Variants in ARHGEF28 observed in about 807,000 individuals in gnomAD.
ARHGEF28 encodes the protein 190 kDa guanine nucleotide exchange factor.
In ARHGEF28, 152 loss-of-function variants were observed where a neutral mutation model predicts 206.6. The ratio of observed to expected loss-of-function variants is 0.74; its 90% CI spans 0.64 to 0.84. The LOEUF is 0.84. ARHGEF28 is among the 40% of genes least tolerant of loss of function. The pLI is 0.00. For missense variants in ARHGEF28, 2,028 were observed against 2,073.2 expected (o/e 0.98, Z 0.42); for synonymous variants, 763 against 776.4 (o/e 0.98, Z 0.29).
rs560059715 is a variant in ARHGEF28, at chr5:73,907,929, T to G, written c.4162-1483T>G. On this transcript the variant is annotated intron_variant, in intron 33 of 35. Transcript: ENST00000513042. The stretch of plus-strand genomic sequence containing the variant: ...TATTGTCTGTGGTAGTTTTGACATA[T>G]AAAGTATGGGATTTTTGTTTGTCTT... 2.0e-4 allele frequency among the ~76,000 whole-genome samples: 30 copies of G among 152,332 alleles called. 1 individual carries two copies. Among genetic ancestry groups the G allele is most frequent in the African/African-American group, 6.7e-4 (28 of 41,572 alleles).
intron 9 of ARHGEF28, among the ~76,000 whole-genome samples, chr5:73,797,751 A>G (rs1263866303): frequency 6.6e-6 from 1 of 152,212 alleles, no homozygotes; most frequent in Non-Finnish European, 1.5e-5. Flanking sequence ...ATGGTGTGGG[A>G]TAAACACATG....
intron 2 of ARHGEF28, among the ~76,000 whole-genome samples, chr5:73,706,653 T>C (rs1748954717): frequency 6.6e-6 from 1 of 152,202 alleles, no homozygotes. Context: ...TGATACTTAG[T>C]TTTATATTTA....
chr5:73,930,619 T>G (rs1042665699), intron 35 of ARHGEF28, among the ~76,000 whole-genome samples: 1 of 152,190 alleles, frequency 6.6e-6, no homozygotes, highest in Non-Finnish European at 1.5e-5. Context: ...TGGAGAAAAC[T>G]CAACTGCAAG....
At chr5:73,814,470 C>T (rs1229294809) in intron 9 of ARHGEF28, among the ~76,000 whole-genome samples, 2 of 152,018 alleles carry the variant, frequency 1.3e-5, no homozygotes, top group African/African-American at 4.8e-5. Flanking sequence ...TTATCCCATC[C>T]TCGGCTGGGC....
At chr5:73,875,946 A>G (rs1760449622) in intron 22 of ARHGEF28, among the ~76,000 whole-genome samples, 1 of 151,852 alleles carries the variant, frequency 6.6e-6, no homozygotes, top group African/African-American at 2.4e-5. Context: ...GTTTTTTCCA[A>G]TTCTGTGAAG....
At chr5:73,813,563 T>G in intron 9 of ARHGEF28, 1 of 1,535,320 alleles carries the variant, frequency 6.5e-7, no homozygotes, top group Non-Finnish European at 8.7e-7. Flanking sequence ...TACTGTTTCA[T>G]CTGTTGATTT....
intron 22 of ARHGEF28, among the ~76,000 whole-genome samples, chr5:73,879,199 C>T (rs1252031816): frequency 1.3e-5 from 2 of 152,182 alleles, no homozygotes; most frequent in East Asian, 1.9e-4. Flanking sequence ...TGATACCCTT[C>T]CTTCCAGCTG....
intron 3 of ARHGEF28, among the ~76,000 whole-genome samples, chr5:73,751,279 C>T (rs1043586026): frequency 6.6e-5 from 10 of 152,182 alleles, no homozygotes; most frequent in East Asian, 1.9e-4. Flanking sequence ...GCATGGTGGC[C>T]GGTGCCTTTA....
chr5:73,657,544 A>C (rs1432873068), intron 1 of ARHGEF28, among the ~76,000 whole-genome samples: 4 of 152,160 alleles, frequency 2.6e-5, no homozygotes, highest in African/African-American at 4.8e-5. Context: ...TGTCTTTTTC[A>C]TGATGGATAG....
chr5:73,732,488 A>T (rs1008352573), intron 2 of ARHGEF28, among the ~76,000 whole-genome samples: 1 of 152,210 alleles, frequency 6.6e-6, no homozygotes, highest in Non-Finnish European at 1.5e-5. Flanking sequence ...ACTGAAAGAC[A>T]TCTTGGTTGT....
chr5:73,763,743 A>G (rs1752738482), intron 4 of ARHGEF28, among the ~76,000 whole-genome samples: 1 of 152,182 alleles, frequency 6.6e-6, no homozygotes, highest in Non-Finnish European at 1.5e-5. Flanking sequence ...ACATTAACAA[A>G]TGAAAGAAAA....
intron 2 of ARHGEF28, among the ~76,000 whole-genome samples, chr5:73,693,585 A>G (rs1447960143): frequency 1.3e-5 from 2 of 152,242 alleles, no homozygotes; most frequent in Non-Finnish European, 1.5e-5. Context: ...AGCTTAGCCA[A>G]TGGAATCGGG....
At chr5:73,689,277 TTCTTC>T (rs1747668578) in intron 2 of ARHGEF28, among the ~76,000 whole-genome samples, 1 of 152,208 alleles carries the variant, frequency 6.6e-6, no homozygotes, top group Non-Finnish European at 1.5e-5. Flanking sequence ...AGACTCTATT[TTCTTC>T]TTGGAGATAT....
chr5:73,735,212 C>T (rs1009456165), intron 2 of ARHGEF28, among the ~76,000 whole-genome samples: 45 of 150,732 alleles, frequency 3.0e-4, no homozygotes, highest in Non-Finnish European at 2.1e-4. Flanking sequence ...TAAATTAATA[C>T]ATTTATTAAT....
chr5:73,640,279 C>A (rs576992243), intron 1 of ARHGEF28, among the ~76,000 whole-genome samples: 1 of 152,312 alleles, frequency 6.6e-6, no homozygotes, highest in East Asian at 1.9e-4. Context: ...TCATCTGTCA[C>A]CTTCTGTGAT....
Position 73,846,286 on chromosome 5 carries a change from G to C in ARHGEF28, c.1446G>C (p.Leu482Phe), listed in dbSNP as rs755323289. The C allele has an allele frequency of 6.2e-7, 1 of 1,613,190 alleles. No individual in the cohort carries two copies. The highest frequency in any genetic ancestry group is 1.7e-5 in the Admixed American group (1 of 59,960). Residue 482 changes from leucine to phenylalanine, a missense_variant, in exon 12 of 36, where the codon TTG becomes TTC. Transcript: ENST00000513042. ...LKKRSSSLDA[L>F]DADSEGEGHS... ...GCTTTAGTTCTAGCCTTGATGCCTT[G>C]GACGCCGACAGTGAAGGGGAAGGGC...
chr5:73,889,593 CTT>C (rs1440073909), intron 26 of ARHGEF28, among the ~76,000 whole-genome samples: 3 of 152,234 alleles, frequency 2.0e-5, no homozygotes, highest in Non-Finnish European at 4.4e-5. Context: ...TTTAAAATCT[CTT>C]TATCACAATG....
intron 29 of ARHGEF28, among the ~76,000 whole-genome samples, chr5:73,894,864 A>C (rs1053214595): frequency 1.3e-5 from 2 of 152,160 alleles, no homozygotes; most frequent in Non-Finnish European, 2.9e-5. Flanking sequence ...TCTTTGATAT[A>C]ATGATATGTA....
chr5:73,852,311 A>C (rs1272089625), intron 13 of ARHGEF28, among the ~76,000 whole-genome samples: 15 of 152,184 alleles, frequency 9.9e-5, no homozygotes, highest in Non-Finnish European at 2.2e-4. Flanking sequence ...TGTTATGAAG[A>C]ATAGGGATGA....
Sources: allele counts gnomAD v4.1 joint callset (sites outside exome capture counted in the v4.1 genomes callset), GRCh38; gene constraint gnomAD v4.1.1; transcripts MANE v1.5; gene names NCBI Gene and HGNC (gene_info 2026-07-23, HGNC 2026-07-21).